The following ZNF846 variants were observed in gnomAD, a reference collection of about 807,000 sequenced individuals.
The protein encoded by ZNF846 is zinc finger protein 420 pseudogene.
Under a neutral mutation model 16.0 loss-of-function variants are expected in ZNF846, and 15 were observed. The observed-to-expected ratio is 0.94, with a 90% CI of 0.63 to 1.45. ZNF846 has a LOEUF of 1.45. ZNF846 is among the 40% of genes most tolerant of loss of function. The pLI is 0.00. For missense variants in ZNF846, 714 were observed against 622.3 expected (o/e 1.15, Z -1.57); for synonymous variants, 229 against 212.0 (o/e 1.08, Z -0.70).
At chr19:9,748,985 C>T (rs1315350227), downstream of ZNF846, among the ~76,000 whole-genome samples, 1 of 152,096 alleles carries the variant, frequency 6.6e-6, no homozygotes, top group Non-Finnish European at 1.5e-5. Flanking sequence ...AGAATCTGAT[C>T]CCTCAAACTC....
downstream of ZNF846, among the ~76,000 whole-genome samples, chr19:9,754,563 T>TCAAAAAAAAAAA (rs776769152): frequency 1.2e-3 from 101 of 83,724 alleles, 3 homozygotes; most frequent in African/African-American, 2.8e-3. Context: ...AGACTCTGTC[T>TCAAAAAAAAAAA]TAAAAAAAAA....
chr19:9,761,630 G>A (rs1227882382), intron 4 of ZNF846, among the ~76,000 whole-genome samples: 1 of 151,454 alleles, frequency 6.6e-6, no homozygotes, highest in African/African-American at 2.4e-5. Context: ...AGAATTGCTT[G>A]AACCCAGGAG....
chr19:9,763,574 G>C (rs900946333), intron 2 of ZNF846, 166 bp from the exon 3 acceptor site: 2 of 493,886 alleles, frequency 4.0e-6, no homozygotes, highest in Non-Finnish European at 6.9e-6. Context: ...CAATCCCATG[G>C]ACTTATCAGC....
At chr19:9,759,822 G>GAAAT in intron 5 of ZNF846, 38 bp downstream of exon 5, 1 of 1,480,530 alleles carries the variant, frequency 6.8e-7, no homozygotes, top group East Asian at 2.3e-5. Context: ...TGTGCTTCTT[G>GAAAT]TCCTAGTGTG....
At chr19:9,757,742 A>G in exon 6 of ZNF846, 1 of 1,613,540 alleles carries the variant, frequency 6.2e-7, no homozygotes, top group East Asian at 2.2e-5. Context: ...CCTTTTCTCC[A>G]GTGTGAGTTC....
exon 3 of ZNF846, chr19:9,763,385 C>T (rs760432882): frequency 6.2e-7 from 1 of 1,610,778 alleles, no homozygotes; most frequent in South Asian, 1.1e-5. Flanking sequence ...AGTCCACAGC[C>T]ACATCCTCAA....
intron 2 of ZNF846, 101 bp from the exon 3 acceptor site, chr19:9,763,509 C>T: frequency 1.8e-6 from 2 of 1,133,526 alleles, no homozygotes; most frequent in East Asian, 2.6e-5. Context: ...GCCTGCAGTA[C>T]TCCCAGGCCT....
At chr19:9,760,028 A>G in intron 4 of ZNF846, 86 bp from the exon 5 acceptor site, 1 of 975,730 alleles carries the variant, frequency 1.0e-6, no homozygotes, top group Admixed American at 2.1e-5. Flanking sequence ...GTGGTGGCTC[A>G]CACCTGTAAT....
chr19:9,756,345 G>GTGTGTGTGTGTGTATA (rs1321690890), downstream of ZNF846: 5 of 81,768 alleles, frequency 6.1e-5, no homozygotes, highest in African/African-American at 2.4e-4. Context: ...GTGTGTGTGT[G>GTGTGTGTGTGTGTATA]TATATATATA....
exon 6 of ZNF846, chr19:9,758,555 T>A: frequency 6.2e-7 from 1 of 1,613,076 alleles, no homozygotes; most frequent in East Asian, 2.2e-5. Flanking sequence ...CTTTTTCATG[T>A]TTAACACACT....
chr19:9,759,774 G>C lies in ZNF846; in HGVS notation c.312+86C>G, dbSNP rs1252766092. ...ATCTCTTCAGACTTTGTTTTCTCTG[G>C]GTAAATGCCATTTTCCTCATATAAT... is the stretch of plus-strand genomic sequence containing the variant. On this transcript the variant is annotated intron_variant, in intron 5 of 5. Transcript: ENST00000397902. 11 of 1,034,532 alleles carry C rather than the reference G, an allele frequency of 1.1e-5. No homozygotes were observed. The Admixed American group carries it at 2.7e-4, about 26-fold the overall frequency. 64.1% of individuals were successfully genotyped at this position (1,034,532 alleles called of 1,614,324 possible).
At chr19:9,754,563 T>TCAAAAAAAAAAAAAAAAAAAAAAAAAAAA (rs776769152), downstream of ZNF846, among the ~76,000 whole-genome samples, 19 of 83,772 alleles carry the variant, frequency 2.3e-4, no homozygotes, top group African/African-American at 6.4e-4. Flanking sequence ...AGACTCTGTC[T>TCAAAAAAAAAAAAAAAAAAAAAAAAAAAA]TAAAAAAAAA....
chr19:9,758,911 GAGTTA>G lies in ZNF846; in HGVS notation c.313-152_313-148del, dbSNP rs546197336. On this transcript the variant is annotated intron_variant, in intron 5 of 5. Transcript: ENST00000397902. ...TGTACAGAGTTCCAGCCCCATTTTT[GAGTTA>G]AGTTGAGTAATAGGACAATGAGGCC... 118 of 619,786 alleles carry G rather than the reference GAGTTA, an allele frequency of 1.9e-4. 2 individuals are homozygous for G. The highest frequency in any genetic ancestry group is 1.1e-3 in the East Asian group (37 of 32,564). 38.4% of individuals were successfully genotyped at this position (619,786 alleles called of 1,614,324 possible). A position where few individuals can be genotyped will look rare whatever the true frequency, so the allele number is the denominator to read the frequency against.
At chr19:9,750,988 A>G (rs2045079325), downstream of ZNF846, among the ~76,000 whole-genome samples, 1 of 152,162 alleles carries the variant, frequency 6.6e-6, no homozygotes. Flanking sequence ...AAAAAACTCA[A>G]AAACAGAGCT....
intron 2 of ZNF846, chr19:9,764,715 C>T: frequency 1.8e-6 from 1 of 563,832 alleles, no homozygotes. Flanking sequence ...AAGAGAGAGC[C>T]CCGTTGCACT....
chr19:9,768,080 A>G (rs1472439584), intron 1 of ZNF846, among the ~76,000 whole-genome samples: 1 of 152,290 alleles, frequency 6.6e-6, no homozygotes, highest in East Asian at 1.9e-4. Context: ...TTTGGGAGGT[A>G]CTGACCTAGG....
chr19:9,770,825 C>T (rs370647222), upstream of ZNF846, among the ~76,000 whole-genome samples: 16 of 151,606 alleles, frequency 1.1e-4, no homozygotes, highest in African/African-American at 3.9e-4. Flanking sequence ...GCTGAGATGG[C>T]GCCACGGCAC....
At chr19:9,771,429 C>T (rs1341875519), upstream of ZNF846, among the ~76,000 whole-genome samples, 2 of 152,162 alleles carry the variant, frequency 1.3e-5, no homozygotes, top group Non-Finnish European at 2.9e-5. Flanking sequence ...CCACCCACTT[C>T]GGCCTCCCAA....
chr19:9,769,307 C>A (rs74178175), upstream of ZNF846, among the ~76,000 whole-genome samples: 1 of 152,048 alleles, frequency 6.6e-6, no homozygotes, highest in African/African-American at 2.4e-5. Context: ...GTCTCGAACT[C>A]CTGAGCCTAA....
Sources: gnomAD v4.1 joint callset for allele counts (sites outside exome capture counted in the v4.1 genomes callset) on GRCh38, gnomAD v4.1.1 for gene constraint, MANE v1.5 for transcripts, NCBI Gene and HGNC (gene_info 2026-07-23, HGNC 2026-07-21) for gene names.